Variants in PLCXD3 observed in about 807,000 individuals in gnomAD.
The protein encoded by PLCXD3 is PI-PLC X domain-containing protein 3.
In PLCXD3, 19 loss-of-function variants were observed where a neutral mutation model predicts 25.5. The ratio of observed to expected loss-of-function variants is 0.75; its 90% CI spans 0.52 to 1.09. The LOEUF is 1.09. PLCXD3 is among the 50% of genes least tolerant of loss of function. The pLI is 0.00. For missense variants in PLCXD3, 411 were observed against 388.1 expected (o/e 1.06, Z -0.50); for synonymous variants, 174 against 137.6 (o/e 1.26, Z -1.85).
At chr5:41,320,340 T>C (rs1743429043) in intron 2 of PLCXD3, among the ~76,000 whole-genome samples, 1 of 152,086 alleles carries the variant, frequency 6.6e-6, no homozygotes, top group African/African-American at 2.4e-5. Context: ...TATAAGCCAA[T>C]ATTGCTGATG....
intron 2 of PLCXD3, among the ~76,000 whole-genome samples, chr5:41,348,574 C>T (rs1744365864): frequency 1.3e-5 from 2 of 152,182 alleles, no homozygotes; most frequent in Non-Finnish European, 2.9e-5. Context: ...AGATGTTTTT[C>T]CTACAGAAAT....
chr5:41,474,672 C>A (rs1259583374), intron 1 of PLCXD3, among the ~76,000 whole-genome samples: 1 of 152,122 alleles, frequency 6.6e-6, no homozygotes, highest in Non-Finnish European at 1.5e-5. Context: ...AAGGAATAAG[C>A]AACAGTTGAG....
At chr5:41,468,959 C>A (rs574737554) in intron 1 of PLCXD3, among the ~76,000 whole-genome samples, 25 of 152,220 alleles carry the variant, frequency 1.6e-4, no homozygotes, top group African/African-American at 6.0e-4. Context: ...TGTCTCTGAT[C>A]TTCGAGGAAA....
intron 1 of PLCXD3, among the ~76,000 whole-genome samples, chr5:41,492,522 C>T (rs567722939): frequency 6.6e-6 from 1 of 152,200 alleles, no homozygotes; most frequent in African/African-American, 2.4e-5. Context: ...TAATATCCTG[C>T]AGAGTGTTTT....
chr5:41,490,403 G>T (rs1012014790), intron 1 of PLCXD3, among the ~76,000 whole-genome samples: 13 of 151,818 alleles, frequency 8.6e-5, no homozygotes, highest in Admixed American at 2.6e-4. Flanking sequence ...TCTCTTTTTT[G>T]GTTGTGTCTC....
At chr5:41,505,905 A>G (rs1317464971) in intron 1 of PLCXD3, among the ~76,000 whole-genome samples, 6 of 152,244 alleles carry the variant, frequency 3.9e-5, no homozygotes, top group Non-Finnish European at 8.8e-5. Flanking sequence ...GGAAACATGT[A>G]TAGACTGCAT....
chr5:41,477,798 A>G (rs941646870), intron 1 of PLCXD3, among the ~76,000 whole-genome samples: 5 of 152,160 alleles, frequency 3.3e-5, no homozygotes, highest in African/African-American at 1.2e-4. Context: ...ATTGCAACTG[A>G]CCTAATTTGT....
chr5:41,363,149 C>T (rs933130534), intron 2 of PLCXD3, among the ~76,000 whole-genome samples: 1 of 152,132 alleles, frequency 6.6e-6, no homozygotes, highest in African/African-American at 2.4e-5. Flanking sequence ...CGGTACATGG[C>T]AGCGCTGGGT....
rs1363236337 is a variant in PLCXD3 at position 41,312,076 on chromosome 5, G to A, written c.*1541C>T. The stretch of plus-strand genomic sequence containing the variant: ...TATTCCTGTGAAGTACATAGGCAAG[G>A]ATTATTGTGCTCTAAGTTTTTTTTT... On this transcript the variant is annotated 3_prime_UTR_variant, in exon 3 of 3. Coordinates refer to ENST00000377801, the MANE Select transcript of PLCXD3 (RefSeq NM_001005473.3). 1 of 151,544 alleles carries A rather than the reference G, an allele frequency of 6.6e-6. No individual in the cohort carries two copies. Among genetic ancestry groups the A allele is most frequent in the African/African-American group, 2.5e-5 (1 of 40,778 alleles). The allele number at this position is 151,544 out of a possible 1,614,324, so 9.4% of individuals were successfully genotyped here.
intron 1 of PLCXD3, among the ~76,000 whole-genome samples, chr5:41,486,049 G>C (rs750329364): frequency 2.0e-5 from 3 of 152,082 alleles, no homozygotes; most frequent in Non-Finnish European, 2.9e-5. Flanking sequence ...CAGGAGCCTG[G>C]GCAGGAAGAA....
chr5:41,353,516 G>A (rs1431445644), intron 2 of PLCXD3, among the ~76,000 whole-genome samples: 1 of 152,150 alleles, frequency 6.6e-6, no homozygotes, highest in Non-Finnish European at 1.5e-5. Flanking sequence ...CACCTTGTAT[G>A]TATGTAGGCT....
rs942355697 is a variant in PLCXD3, at chr5:41,313,237, G to A, written c.*380C>T. The stretch of plus-strand genomic sequence containing the variant: ...CATACAGCATCTGATTAAAAAGAGC[G>A]AGCAAGAGAGGGAGCAGAAAGGTTG... On this transcript the variant is annotated 3_prime_UTR_variant, in exon 3 of 3. Coordinates refer to ENST00000377801, the MANE Select transcript of PLCXD3 (RefSeq NM_001005473.3). The A allele has an allele frequency of 1.7e-5, 3 of 175,238 alleles. No homozygotes were observed. The highest frequency in any genetic ancestry group is 1.8e-4 in the East Asian group (1 of 5,670). The allele number at this position is 175,238 out of a possible 1,614,324, so 10.9% of individuals were successfully genotyped here.
At chr5:41,364,840 G>T (rs553778953) in intron 2 of PLCXD3, among the ~76,000 whole-genome samples, 1 of 152,298 alleles carries the variant, frequency 6.6e-6, no homozygotes, top group South Asian at 2.1e-4. Context: ...CATTTGATGT[G>T]TACTTTTGAT....
chr5:41,371,351 T>C (rs999148970), intron 2 of PLCXD3, among the ~76,000 whole-genome samples: 10 of 152,184 alleles, frequency 6.6e-5, no homozygotes, highest in Non-Finnish European at 1.5e-4. Flanking sequence ...GTTATTCTCC[T>C]GTTGGACATA....
chr5:41,506,286 G>A (rs189003614), intron 1 of PLCXD3, among the ~76,000 whole-genome samples: 2 of 152,300 alleles, frequency 1.3e-5, no homozygotes, highest in Admixed American at 6.5e-5. Flanking sequence ...AACAATAGTC[G>A]AGGATTTGAT....
At chr5:41,401,634 T>C (rs1368328033) in intron 1 of PLCXD3, among the ~76,000 whole-genome samples, 2 of 152,056 alleles carry the variant, frequency 1.3e-5, no homozygotes, top group African/African-American at 4.8e-5. Flanking sequence ...TTTCTGGTTT[T>C]CTCATTCTAT....
chr5:41,330,586 C>T (rs2150474124), intron 2 of PLCXD3, among the ~76,000 whole-genome samples: 1 of 152,324 alleles, frequency 6.6e-6, no homozygotes, highest in Non-Finnish European at 1.5e-5. Flanking sequence ...TCCTCCCTAA[C>T]TCATTTTATG....
intron 2 of PLCXD3, among the ~76,000 whole-genome samples, chr5:41,315,670 C>G (rs1192448330): frequency 6.6e-6 from 1 of 152,182 alleles, no homozygotes; most frequent in Non-Finnish European, 1.5e-5. Context: ...AAAAAGCAGT[C>G]CTGAATCACT....
chr5:41,432,359 G>C (rs550282270), intron 1 of PLCXD3, among the ~76,000 whole-genome samples: 2 of 152,252 alleles, frequency 1.3e-5, no homozygotes, highest in Non-Finnish European at 2.9e-5. Context: ...TAAAAACCCT[G>C]TATTTCTTTG....
Sources: gnomAD v4.1 joint callset for allele counts (sites outside exome capture counted in the v4.1 genomes callset) on GRCh38, gnomAD v4.1.1 for gene constraint, MANE v1.5 for transcripts, NCBI Gene and HGNC (gene_info 2026-07-23, HGNC 2026-07-21) for gene names.